The following FBXL17 variants were observed in gnomAD, a reference collection of about 807,000 sequenced individuals.
FBXL17 encodes the protein F-box/LRR-repeat protein 17.
A neutral mutation model predicts 66.2 loss-of-function variants in FBXL17; 22 were observed. That is an observed-to-expected ratio of 0.33 (90% CI 0.24 to 0.47). FBXL17 has a LOEUF of 0.47. Among genes scored for constraint, FBXL17 ranks in the 20% least tolerant of loss-of-function variants. FBXL17 has a pLI of 1.00. For missense variants in FBXL17, 878 were observed against 948.2 expected (o/e 0.93, Z 0.97); for synonymous variants, 474 against 400.5 (o/e 1.18, Z -2.19).
chr5:108,376,574 T>C (rs1749437861), intron 1 of FBXL17, among the ~76,000 whole-genome samples: 1 of 152,306 alleles, frequency 6.6e-6, no homozygotes, highest in East Asian at 1.9e-4. Context: ...TATTCTCCTG[T>C]AATTATTTAA....
chr5:108,286,061 T>C (rs753026732), intron 4 of FBXL17, among the ~76,000 whole-genome samples: 1 of 151,930 alleles, frequency 6.6e-6, no homozygotes, highest in Non-Finnish European at 1.5e-5. Flanking sequence ...TCTCAATACA[T>C]GCAGAAAAGG....
intron 6 of FBXL17, among the ~76,000 whole-genome samples, chr5:108,025,733 A>G (rs201671722): frequency 0.17 from 24,424 of 144,804 alleles, 2,325 homozygotes; most frequent in South Asian, 0.42. Flanking sequence ...GCGCGCACAC[A>G]CACACACACA....
At chr5:108,169,142 C>A (rs1223568911) in intron 6 of FBXL17, among the ~76,000 whole-genome samples, 2 of 152,120 alleles carry the variant, frequency 1.3e-5, no homozygotes, top group African/African-American at 4.8e-5. Context: ...TTATGTCCTA[C>A]TTACAGATGG....
At chr5:108,050,205 C>T (rs533696318) in intron 6 of FBXL17, among the ~76,000 whole-genome samples, 7 of 152,278 alleles carry the variant, frequency 4.6e-5, no homozygotes, top group East Asian at 1.9e-4. Context: ...CAAGGATATT[C>T]GGGACTTGAA....
At chr5:108,373,545 A>T (rs1217406372) in intron 1 of FBXL17, among the ~76,000 whole-genome samples, 1 of 151,922 alleles carries the variant, frequency 6.6e-6, no homozygotes, top group Non-Finnish European at 1.5e-5. Flanking sequence ...AGAGAAAACA[A>T]ATAATAAAAT....
intron 7 of FBXL17, among the ~76,000 whole-genome samples, chr5:107,940,485 A>T (rs1384777795): frequency 6.6e-6 from 1 of 152,148 alleles, no homozygotes; most frequent in Non-Finnish European, 1.5e-5. Context: ...TTGTTAAATA[A>T]GGTGGTGATC....
intron 4 of FBXL17, among the ~76,000 whole-genome samples, chr5:108,248,804 T>A (rs543377220): frequency 7.2e-4 from 109 of 152,130 alleles, no homozygotes; most frequent in Non-Finnish European, 1.4e-3. Context: ...ATTTTTCAAG[T>A]GCTAAAAGAA....
chr5:107,904,613 A>C (rs1202014926), intron 7 of FBXL17, among the ~76,000 whole-genome samples: 1 of 152,174 alleles, frequency 6.6e-6, no homozygotes, highest in East Asian at 1.9e-4. Context: ...AAAAGCACAG[A>C]CATCATAAAC....
intron 6 of FBXL17, among the ~76,000 whole-genome samples, chr5:108,051,128 T>A (rs1317935655): frequency 6.6e-6 from 1 of 152,164 alleles, no homozygotes; most frequent in African/African-American, 2.4e-5. Context: ...CAGGACCAGA[T>A]GCATTCATAG....
At chr5:107,967,374 G>C (rs569152150) in intron 7 of FBXL17, among the ~76,000 whole-genome samples, 24 of 151,932 alleles carry the variant, frequency 1.6e-4, no homozygotes, top group Admixed American at 1.2e-3. Flanking sequence ...GGAAGAACTT[G>C]ACCAATGTTG....
chr5:108,324,638 T>G (rs1759766833), intron 4 of FBXL17, among the ~76,000 whole-genome samples: 1 of 152,118 alleles, frequency 6.6e-6, no homozygotes, highest in African/African-American at 2.4e-5. Flanking sequence ...TTTGTATACC[T>G]ATGTTCATAG....
intron 4 of FBXL17, among the ~76,000 whole-genome samples, chr5:108,264,058 T>C (rs1756944798): frequency 6.6e-6 from 1 of 151,390 alleles, no homozygotes; most frequent in Non-Finnish European, 1.5e-5. Flanking sequence ...CTACTAAAAA[T>C]ACAAAAATTA....
At chr5:107,949,929 C>A (rs1410968260) in intron 7 of FBXL17, among the ~76,000 whole-genome samples, 1 of 152,148 alleles carries the variant, frequency 6.6e-6, no homozygotes. Flanking sequence ...GACTTCTAAA[C>A]CAGATGATTT....
intron 7 of FBXL17, among the ~76,000 whole-genome samples, chr5:107,907,431 G>A (rs988799100): frequency 3.3e-5 from 5 of 152,050 alleles, no homozygotes; most frequent in Admixed American, 6.6e-5. Context: ...CTGGCTCAGC[G>A]CAGCTGCAAA....
At chr5:108,183,431 A>T (rs1753091338) in intron 6 of FBXL17, among the ~76,000 whole-genome samples, 1 of 152,196 alleles carries the variant, frequency 6.6e-6, no homozygotes, top group Non-Finnish European at 1.5e-5. Context: ...GATAGTATTT[A>T]TGTACTTCAT....
chr5:108,358,183 C>A (rs994460376), intron 3 of FBXL17, among the ~76,000 whole-genome samples: 3 of 152,002 alleles, frequency 2.0e-5, no homozygotes, highest in Non-Finnish European at 2.9e-5. Flanking sequence ...CTTTTTCTTG[C>A]CAAATTGCTC....
intron 6 of FBXL17, among the ~76,000 whole-genome samples, chr5:108,071,933 T>C (rs1748349834): frequency 6.6e-6 from 1 of 152,126 alleles, no homozygotes; most frequent in Non-Finnish European, 1.5e-5. Context: ...GAATCTAATA[T>C]GCCAAATAAT....
chr5:107,957,449 G>GC (rs2112619524), intron 7 of FBXL17, among the ~76,000 whole-genome samples: 1 of 152,204 alleles, frequency 6.6e-6, no homozygotes, highest in South Asian at 2.1e-4. Flanking sequence ...AAGAAGAGAA[G>GC]CTTTAATTCT....
chr5:107,985,672 T>C (rs1343705236), intron 7 of FBXL17, among the ~76,000 whole-genome samples: 2 of 152,202 alleles, frequency 1.3e-5, no homozygotes, highest in African/African-American at 4.8e-5. Context: ...TCTATATACA[T>C]CTGAATGATC....
Sources: gnomAD v4.1 joint callset for allele counts (sites outside exome capture counted in the v4.1 genomes callset) on GRCh38, gnomAD v4.1.1 for gene constraint, MANE v1.5 for transcripts, NCBI Gene and HGNC (gene_info 2026-07-23, HGNC 2026-07-21) for gene names.